Variants in CYP2E1 observed in about 807,000 individuals in gnomAD.
The protein encoded by CYP2E1 is cytochrome P450 family 2 subfamily E member 1.
A neutral mutation model predicts 42.9 loss-of-function variants in CYP2E1; 31 were observed. That is an observed-to-expected ratio of 0.72 (90% CI 0.54 to 0.98). CYP2E1 has a LOEUF of 0.98. Among genes scored for constraint, CYP2E1 ranks in the 50% least tolerant of loss-of-function variants. The pLI is 0.00. For missense variants in CYP2E1, 565 were observed against 633.2 expected (o/e 0.89, Z 1.16); for synonymous variants, 244 against 248.9 (o/e 0.98, Z 0.19).
chr10:133,533,003 T>C, intron 5 of CYP2E1, 135 bp downstream of exon 5: 1 of 846,910 alleles, frequency 1.2e-6, no homozygotes, highest in Non-Finnish European at 1.7e-6. Context: ...ATACACACAC[T>C]CTTGGCTTCA....
chr10:133,535,162 T>C (rs982480712), intron 6 of CYP2E1, among the ~76,000 whole-genome samples: 5 of 151,980 alleles, frequency 3.3e-5, no homozygotes, highest in African/African-American at 4.8e-5. Flanking sequence ...GATGAAACCC[T>C]GTCTCTCCTA....
At chr10:133,535,783 C>T (rs561015015) in intron 6 of CYP2E1, among the ~76,000 whole-genome samples, 1 of 152,346 alleles carries the variant, frequency 6.6e-6, no homozygotes, top group East Asian at 1.9e-4. Context: ...CTCCTCACAT[C>T]TCCCCACCTC....
rs758640808 is a variant in CYP2E1 at position 133,527,407 on chromosome 10, C to T, written c.12C>T (p.Leu4=). The change falls in exon 1 of 9, where the codon CTC becomes CTT. Residue 4 remains leucine, a synonymous_variant. Transcript: ENST00000252945. MSA[L]GVTVALLVWA... ...GCCCCAGCGGCACCATGTCTGCCCTCGGAGTCACCGTGGCCCTGCTGGTGT... is the reference window on the plus strand; with the variant it reads ...GCCCCAGCGGCACCATGTCTGCCCTTGGAGTCACCGTGGCCCTGCTGGTGT... The T allele has an allele frequency of 1.1e-5, 18 of 1,609,668 alleles. No individual in the cohort carries two copies. Among genetic ancestry groups the T allele is most frequent in the East Asian group, 2.2e-5 (1 of 44,826 alleles).
At chr10:133,528,389 A>G in intron 1 of CYP2E1, 92 bp from the exon 2 acceptor site, 1 of 1,476,716 alleles carries the variant, frequency 6.8e-7, no homozygotes, top group Non-Finnish European at 9.2e-7. Flanking sequence ...TCTCTAGAGC[A>G]ACAGCAATAC....
rs149793864 is a variant in CYP2E1, at chr10:133,538,871, C to T, written c.1389C>T (p.Leu463=). 80 of 1,613,944 alleles carry T rather than the reference C, an allele frequency of 5.0e-5. 1 individual carries two copies. In the South Asian group the frequency reaches 5.2e-4, roughly 10 times the overall value. ...TGCAGCATTTTAATTTGAAGCCTCT[C>T]GTTGACCCAAAGGATATCGACCTCA... ...AILQHFNLKP[L]VDPKDIDLSP... Residue 463 remains leucine, a synonymous_variant, in exon 9 of 9, where the codon CTC becomes CTT. Coordinates refer to ENST00000252945, the MANE Select transcript of CYP2E1 (RefSeq NM_000773.4).
intron 2 of CYP2E1, among the ~76,000 whole-genome samples, chr10:133,531,374 G>A (rs991443374): frequency 6.6e-6 from 1 of 152,108 alleles, no homozygotes; most frequent in Non-Finnish European, 1.5e-5. Flanking sequence ...AGACTGTGAG[G>A]ACCCCAGAAA....
chr10:133,538,955 C>T lies in CYP2E1; in HGVS notation c.1473C>T (p.Pro491=). Residue 491 remains proline (P), a synonymous_variant, in exon 9 of 9, where the codon CCC becomes CCT. Coordinates refer to ENST00000252945, the MANE Select transcript of CYP2E1 (RefSeq NM_000773.4). The stretch of plus-strand genomic sequence containing the variant: ...CACGTTACAAACTCTGTGTCATTCC[C>T]CGCTCATGAGTGTGTGGAGGACACC... ...IPPRYKLCVI[P]RS The T allele has an allele frequency of 6.2e-7, 1 of 1,611,916 alleles. No individual in the cohort carries two copies. Among genetic ancestry groups the T allele is most frequent in the Middle Eastern group, 1.7e-4 (1 of 6,056 alleles).
At position 133,528,507 on chromosome 10, in the gene CYP2E1, C is replaced by T; in HGVS notation, c.204C>T (p.Phe68=). Residue 68 remains phenylalanine (F), a synonymous_variant, in exon 2 of 9, where the codon TTC becomes TTT. Coordinates refer to ENST00000252945, the MANE Select transcript of CYP2E1 (RefSeq NM_000773.4). ...TGGCCCAGCGCTTCGGGCCGGTGTT[C>T]ACGCTGTACGTGGGCTCGCAGCGCA... is the stretch of plus-strand genomic sequence containing the variant. The part of the protein sequence containing the change: ...TRLAQRFGPV[F]TLYVGSQRMV... The T allele has an allele frequency of 6.2e-7, 1 of 1,613,332 alleles. No homozygotes were observed. Among genetic ancestry groups the T allele is most frequent in the South Asian group, 1.1e-5 (1 of 91,068 alleles).
At chr10:133,537,958 A>C in intron 8 of CYP2E1, 66 bp downstream of exon 8, 1 of 1,519,892 alleles carries the variant, frequency 6.6e-7, no homozygotes. Context: ...TCCCCTCCAC[A>C]TGTGCTCTGC....
At chr10:133,533,170 C>T (rs981844591) in intron 5 of CYP2E1, among the ~76,000 whole-genome samples, 3 of 152,172 alleles carry the variant, frequency 2.0e-5, no homozygotes, top group African/African-American at 7.2e-5. Context: ...AGGAGAAGCC[C>T]TCAGCCTTCC....
chr10:133,529,335 A>G (rs1002560319), intron 2 of CYP2E1, among the ~76,000 whole-genome samples: 1 of 152,014 alleles, frequency 6.6e-6, no homozygotes, highest in African/African-American at 2.4e-5. Flanking sequence ...CTGGCTTCAG[A>G]CCTCAGCGAG....
In CYP2E1 at chr10:133,528,708, C is replaced by A. The variant is rs528307892; in HGVS notation, c.337+68C>A. 1.4e-5 allele frequency: 22 copies of A among 1,574,754 alleles called. No individual in the cohort carries two copies. The East Asian group carries it at 5.0e-4, about 35-fold the overall frequency. On this transcript the variant is annotated intron_variant, in intron 2 of 8. Coordinates refer to ENST00000252945, the MANE Select transcript of CYP2E1 (RefSeq NM_000773.4). Reference sequence around the variant, plus strand: ...GCCCCGGGACAGTTACGGGCGCTAGCCACGTCGGCGATGGCCAAATAATAA... The same window carrying A: ...GCCCCGGGACAGTTACGGGCGCTAGACACGTCGGCGATGGCCAAATAATAA...
chr10:133,528,681 AC>A, intron 2 of CYP2E1, 41 bp downstream of exon 2: 1 of 1,606,134 alleles, frequency 6.2e-7, no homozygotes, highest in Non-Finnish European at 8.5e-7. Flanking sequence ...GGTGCATAAC[AC>A]GCCCCGGGAC....
At chr10:133,531,896 C>A in intron 3 of CYP2E1, 162 bp downstream of exon 3, 1 of 818,850 alleles carries the variant, frequency 1.2e-6, no homozygotes, top group Non-Finnish European at 1.9e-6. Flanking sequence ...TAGGTTCCAG[C>A]TACACAGTTC....
At position 133,536,150 on chromosome 10, in the gene CYP2E1, C is replaced by G. The variant is rs79001028; in HGVS notation, c.968-913C>G. Among the ~76,000 whole-genome samples, 480 of 152,238 alleles carry G rather than the reference C, an allele frequency of 3.2e-3. 6 individuals carry two copies. The highest frequency in any genetic ancestry group is 0.01 in the Middle Eastern group (3 of 294). On this transcript the variant is annotated intron_variant, in intron 6 of 8. Transcript: ENST00000252945. ...AATTATCAATGCAAAGGTTACCCTC[C>G]CAGAAGAAATTTCCAAAACACTTTC...
chr10:133,528,274 A>G (rs1019288845), intron 1 of CYP2E1: 2 of 577,116 alleles, frequency 3.5e-6, no homozygotes, highest in South Asian at 2.2e-5. Context: ...GGAGCAGAGC[A>G]GCTGGAACCC....
At position 133,538,902 on chromosome 10, in the gene CYP2E1, A is replaced by C. The variant is rs1393164404; in HGVS notation, c.1420A>C (p.Ile474Leu). 2 of 1,613,972 alleles carry C rather than the reference A, an allele frequency of 1.2e-6. No homozygotes were observed. The highest frequency in any genetic ancestry group is 3.3e-5 in the Admixed American group (2 of 59,998). ...CCCAAAGGATATCGACCTCAGCCCTATACATATTGGGTTTGGCTGTATCCC... is the reference window on the plus strand; with the variant it reads ...CCCAAAGGATATCGACCTCAGCCCTCTACATATTGGGTTTGGCTGTATCCC... The part of the protein sequence containing the change: ...VDPKDIDLSP[I>L]HIGFGCIPPR... Residue 474 changes from isoleucine to leucine, a missense_variant, in exon 9 of 9, where the codon ATA becomes CTA. Physicochemically the swap from Ile to Leu is conservative, Grantham distance 5. Transcript: ENST00000252945.
chr10:133,536,418 T>C lies in CYP2E1; in HGVS notation c.968-645T>C, dbSNP rs370717787. Among the ~76,000 whole-genome samples, 343 of 147,814 alleles carry C rather than the reference T, an allele frequency of 2.3e-3. 1 individual carries two copies. The highest frequency in any genetic ancestry group is 7.2e-3 in the African/African-American group (291 of 40,286). On this transcript the variant is annotated intron_variant, in intron 6 of 8. Transcript: ENST00000252945. ...ATGGGTGGGTGGATGGACGGACGGA[T>C]GGATGGATGGATGGATGGATGGATG...
In CYP2E1 at chr10:133,533,812, C is replaced by G; in HGVS notation, c.882C>G (p.Ala294=). The G allele has an allele frequency of 1.2e-6, 2 of 1,614,102 alleles. No individual in the cohort carries two copies. The highest frequency in any genetic ancestry group is 8.5e-7 in the Non-Finnish European group (1 of 1,180,002). Residue 294 remains alanine (A), a synonymous_variant, in exon 6 of 9, where the codon GCC becomes GCG. Coordinates refer to ENST00000252945, the MANE Select transcript of CYP2E1 (RefSeq NM_000773.4). The part of the protein sequence containing the change: ...YTMDGITVTV[A]DLFFAGTETT... ...TGGACGGTATCACCGTGACTGTGGC[C>G]GACCTGTTCTTTGCGGGGACAGAGA...
Sources: gnomAD v4.1 joint callset for allele counts (sites outside exome capture counted in the v4.1 genomes callset) on GRCh38, gnomAD v4.1.1 for gene constraint, MANE v1.5 for transcripts, NCBI Gene and HGNC (gene_info 2026-07-23, HGNC 2026-07-21) for gene names.